The following SPATA16 variants were observed in gnomAD, a reference collection of about 807,000 sequenced individuals.
SPATA16 encodes the protein spermatogenesis associated 16, also known as spermatogenesis-associated protein 16.
Under a neutral mutation model 63.3 loss-of-function variants are expected in SPATA16, and 36 were observed. The observed-to-expected ratio is 0.57, with a 90% CI of 0.44 to 0.75. The LOEUF is 0.75. SPATA16 is among the 30% of genes least tolerant of loss of function. The pLI, the probability that SPATA16 is intolerant of heterozygous loss-of-function variation, is 0.00. For missense variants in SPATA16, 646 were observed against 679.3 expected, an observed-to-expected ratio of 0.95 and a Z score of 0.54; for synonymous variants, 203 against 216.7, an observed-to-expected ratio of 0.94 and a Z score of 0.56.
intron 2 of SPATA16, 70 bp from the exon 3 acceptor site, chr3:173,049,164 CATGTGT>C: frequency 6.7e-7 from 1 of 1,495,346 alleles, no homozygotes; most frequent in Non-Finnish European, 9.1e-7. Context: ...ATAAGCAAAA[CATGTGT>C]ATGTTTTATT....
At chr3:172,952,036 T>G (rs985720767) in intron 6 of SPATA16, among the ~76,000 whole-genome samples, 6 of 152,198 alleles carry the variant, frequency 3.9e-5, no homozygotes, top group African/African-American at 1.4e-4. Context: ...GTATTTTATC[T>G]CTTGGAGCAT....
At chr3:173,107,678 T>C (rs976401486) in intron 2 of SPATA16, among the ~76,000 whole-genome samples, 6 of 152,198 alleles carry the variant, frequency 3.9e-5, no homozygotes, top group Admixed American at 1.3e-4. Context: ...CATTACATTT[T>C]TGTGAACACA....
At chr3:173,108,130 T>C (rs1413633110) in intron 2 of SPATA16, among the ~76,000 whole-genome samples, 1 of 152,178 alleles carries the variant, frequency 6.6e-6, no homozygotes, top group Non-Finnish European at 1.5e-5. Flanking sequence ...CTCAGCTTCC[T>C]ATGGATTAAT....
intron 2 of SPATA16, among the ~76,000 whole-genome samples, chr3:173,079,446 A>AT (rs142797981): frequency 0.017 from 2,598 of 152,198 alleles, 33 homozygotes; most frequent in South Asian, 0.032. Flanking sequence ...CTAAAATAAC[A>AT]TTTTTTCCCT....
At chr3:173,009,873 G>A (rs1361209523) in intron 4 of SPATA16, among the ~76,000 whole-genome samples, 1 of 152,234 alleles carries the variant, frequency 6.6e-6, no homozygotes, top group African/African-American at 2.4e-5. Context: ...CGGCTCAAGA[G>A]CCTCAGTTAC....
At chr3:172,894,377 C>G (rs1039736512) in intron 10 of SPATA16, among the ~76,000 whole-genome samples, 1 of 151,802 alleles carries the variant, frequency 6.6e-6, no homozygotes, top group African/African-American at 2.4e-5. Context: ...GACAGACAAG[C>G]CCCTAAGTTT....
chr3:172,897,321 C>T (rs965154297), intron 10 of SPATA16, among the ~76,000 whole-genome samples: 1 of 151,972 alleles, frequency 6.6e-6, no homozygotes, highest in African/African-American at 2.4e-5. Flanking sequence ...GTGTTAATCC[C>T]TCCATCAGTA....
chr3:173,017,013 C>CAA (rs5854498), intron 4 of SPATA16, among the ~76,000 whole-genome samples: 1 of 140,210 alleles, frequency 7.1e-6, no homozygotes, highest in Non-Finnish European at 1.6e-5. Context: ...AAGACTGTCT[C>CAA]AAAAAAAAAA....
intron 8 of SPATA16, among the ~76,000 whole-genome samples, chr3:172,922,358 A>G (rs1732631436): frequency 6.6e-6 from 1 of 152,374 alleles, no homozygotes; most frequent in East Asian, 1.9e-4. Flanking sequence ...CAATATGAGA[A>G]GACTGAGTTA....
chr3:172,916,156 AT>A (rs1249837321), intron 9 of SPATA16, among the ~76,000 whole-genome samples, 160 bp downstream of exon 9: 3 of 151,622 alleles, frequency 2.0e-5, no homozygotes, highest in Non-Finnish European at 4.4e-5. Flanking sequence ...ACCTTCCTAC[AT>A]TTTTCAGTTT....
chr3:173,075,536 A>G (rs1052313155), intron 2 of SPATA16, among the ~76,000 whole-genome samples: 11 of 152,230 alleles, frequency 7.2e-5, no homozygotes, highest in African/African-American at 1.9e-4. Flanking sequence ...AGTTCTATCA[A>G]TGGATTAATG....
chr3:173,020,556 T>G, intron 3 of SPATA16, among the ~76,000 whole-genome samples: 1 of 152,120 alleles, frequency 6.6e-6, no homozygotes, highest in East Asian at 1.9e-4. Flanking sequence ...TCTCACAGAG[T>G]TCTGGAATCT....
At position 173,117,627 on chromosome 3, in the gene SPATA16, C is replaced by T. The variant is rs141312480; in HGVS notation, c.105G>A (p.Ala35=). 511 of 1,613,964 alleles carry T rather than the reference C, an allele frequency of 3.2e-4. No individual in the cohort carries two copies. Among genetic ancestry groups the T allele is most frequent in the Admixed American group, 9.2e-4 (55 of 60,012 alleles). ...ACATTTCCAGGATGTTAGGTGGGTGCGCTAAGGTGGACATTTTCTTGCTTG... is the reference window on the plus strand; with the variant it reads ...ACATTTCCAGGATGTTAGGTGGGTGTGCTAAGGTGGACATTTTCTTGCTTG... ...INTSKKMSTL[A]HPPNILEMSQ... Residue 35 remains alanine, a synonymous_variant, in exon 2 of 11, where the codon GCG becomes GCA. Transcript: ENST00000351008.
intron 4 of SPATA16, among the ~76,000 whole-genome samples, chr3:172,992,617 C>T (rs1342313551): frequency 1.3e-5 from 2 of 152,112 alleles, no homozygotes; most frequent in African/African-American, 4.8e-5. Context: ...GACTCTGCTT[C>T]TTACTGAGTT....
At chr3:173,048,648 C>T (rs768999178) in intron 3 of SPATA16, among the ~76,000 whole-genome samples, 1 of 152,068 alleles carries the variant, frequency 6.6e-6, no homozygotes, top group Non-Finnish European at 1.5e-5. Flanking sequence ...CGATTCAATA[C>T]CACCTCCCTT....
At chr3:173,074,101 C>T (rs1000553379) in intron 2 of SPATA16, among the ~76,000 whole-genome samples, 1 of 152,152 alleles carries the variant, frequency 6.6e-6, no homozygotes, top group Admixed American at 6.5e-5. Context: ...TGTATTTATC[C>T]AATGCCTATG....
chr3:173,128,278 T>C (rs1412154665), intron 1 of SPATA16, among the ~76,000 whole-genome samples: 1 of 152,200 alleles, frequency 6.6e-6, no homozygotes, highest in Non-Finnish European at 1.5e-5. Context: ...GTAGGCAGAA[T>C]AAGGGTGGAT....
chr3:173,033,073 C>G (rs1244833344), intron 3 of SPATA16, among the ~76,000 whole-genome samples: 2 of 152,072 alleles, frequency 1.3e-5, no homozygotes, highest in African/African-American at 4.8e-5. Flanking sequence ...CAGTTTCTAC[C>G]TTAGGCAGAT....
At chr3:172,982,152 C>T (rs1226857491) in intron 4 of SPATA16, among the ~76,000 whole-genome samples, 1 of 152,100 alleles carries the variant, frequency 6.6e-6, no homozygotes, top group Non-Finnish European at 1.5e-5. Flanking sequence ...AAAATAAATT[C>T]GATGTTACAA....
Sources: allele counts gnomAD v4.1 joint callset (sites outside exome capture counted in the v4.1 genomes callset), GRCh38; gene constraint gnomAD v4.1.1; transcripts MANE v1.5; gene names NCBI Gene and HGNC (gene_info 2026-07-23, HGNC 2026-07-21).